RELN: variants seen among roughly 807,000 people sequenced by gnomAD.
RELN encodes reelin.
Under a neutral mutation model 427.6 loss-of-function variants are expected in RELN, and 108 were observed. That is an observed-to-expected ratio of 0.25 (90% confidence interval 0.22 to 0.30). RELN has a LOEUF of 0.30. Ranked by LOEUF, RELN falls within the 10% of genes least tolerant of loss-of-function variation. The probability of loss-of-function intolerance (pLI) is 1.00; values close to 1 mark genes in which losing one functional copy is unlikely to be tolerated. For synonymous variants in RELN, 1,524 were observed against 1,513.4 expected (o/e 1.01, Z -0.16); for missense variants, 3,715 against 4,302.8 (o/e 0.86, Z 3.82).
At chr7:103,512,367 GTT>G (rs958876023) in intron 50 of RELN, among the ~76,000 whole-genome samples, 8 of 152,044 alleles carry the variant, frequency 5.3e-5, no homozygotes, top group Non-Finnish European at 7.4e-5. Flanking sequence ...AGATAATACT[GTT>G]ATAAATTTAC....
chr7:103,838,567 A>T (rs1051358982), intron 2 of RELN, among the ~76,000 whole-genome samples: 8 of 152,166 alleles, frequency 5.3e-5, no homozygotes, highest in Non-Finnish European at 8.8e-5. Context: ...AAGGAGACTC[A>T]ATAGCGTGAC....
At chr7:103,940,742 C>T (rs766072353) in intron 1 of RELN, among the ~76,000 whole-genome samples, 27 of 152,154 alleles carry the variant, frequency 1.8e-4, no homozygotes, top group Non-Finnish European at 3.8e-4. Context: ...AATAAAATTG[C>T]TTCCTTTGGT....
Position 103,486,340 on chromosome 7 carries a change from C to T in RELN, c.9840G>A (p.Glu3280=). 6.2e-7 allele frequency: 1 copy of T among 1,614,144 alleles called. No individual in the cohort carries two copies. Among genetic ancestry groups the T allele is most frequent in the Non-Finnish European group, 8.5e-7 (1 of 1,180,024 alleles). The change falls in exon 61 of 65, where the codon GAG becomes GAA. Residue 3280 remains glutamate, a synonymous_variant. Coordinates refer to ENST00000428762, the MANE Select transcript of RELN (RefSeq NM_005045.4). ...KDNFESARVT[E]ANWETIQGGV... is the part of the protein sequence containing the mutation. Reference sequence around the variant, plus strand: ...CACCTTGAATGGTCTCCCAGTTTGCCTCGGTGACTCTTGCGGACTCAAAAT... The same window carrying T: ...CACCTTGAATGGTCTCCCAGTTTGCTTCGGTGACTCTTGCGGACTCAAAAT...
chr7:103,580,537 A>G (rs1189613325), intron 28 of RELN, among the ~76,000 whole-genome samples: 2 of 151,974 alleles, frequency 1.3e-5, no homozygotes, highest in Admixed American at 6.5e-5. Context: ...CATCAAACAC[A>G]CTGCAATTTC....
chr7:103,889,310 A>G (rs867194910), intron 2 of RELN, among the ~76,000 whole-genome samples: 14 of 152,330 alleles, frequency 9.2e-5, no homozygotes, highest in African/African-American at 3.1e-4. Context: ...GGGAATGTTC[A>G]TGGCAAGAAG....
In RELN at chr7:103,771,476, G is replaced by A. The variant is rs557448784; in HGVS notation, c.544+5081C>T. Among the ~76,000 whole-genome samples, 9 of 152,242 alleles carry A rather than the reference G, an allele frequency of 5.9e-5. No homozygotes were observed. In the East Asian group the frequency reaches 1.8e-3, roughly 30 times the overall value. On this transcript the variant is annotated intron_variant, in intron 4 of 64. Coordinates refer to ENST00000428762, the MANE Select transcript of RELN (RefSeq NM_005045.4). ...ATTGCCTCCGCAGCATCAATAGGCTGATGGTTCTCAAATGTCCTTGGCTGT... is the reference window on the plus strand; with the variant it reads ...ATTGCCTCCGCAGCATCAATAGGCTAATGGTTCTCAAATGTCCTTGGCTGT...
chr7:103,604,387 G>T lies in RELN; in HGVS notation c.3105C>A (p.Asn1035Lys). ...CGCATGAGCCATGCCCACTGCACAT[G>T]TTGGGGCACTGCTGCCCAATGTAAA... ...DSIYIGQQCPNMCSGHGSCDH... is the reference protein window; with the variant it reads ...DSIYIGQQCPKMCSGHGSCDH... Residue 1035 changes from asparagine (N) to lysine (K), a missense_variant, in exon 23 of 65, where the codon AAC becomes AAA. This residue lies in a region of RELN where 2,208 missense variants were observed against 2,361.7 expected (regional missense o/e 0.93). Transcript: ENST00000428762. 6.2e-7 allele frequency: 1 copy of T among 1,613,954 alleles called. No individual in the cohort carries two copies. Among genetic ancestry groups the T allele is most frequent in the Non-Finnish European group, 8.5e-7 (1 of 1,179,878 alleles).
intron 1 of RELN, among the ~76,000 whole-genome samples, chr7:103,972,889 T>G (rs941950691): frequency 7.6e-6 from 1 of 131,154 alleles, no homozygotes. Context: ...TGTGGGCATA[T>G]GATTATGTGT....
At chr7:103,865,056 C>A (rs1206517959) in intron 2 of RELN, among the ~76,000 whole-genome samples, 3 of 147,540 alleles carry the variant, frequency 2.0e-5, no homozygotes, top group African/African-American at 7.5e-5. Flanking sequence ...GTTTGTTGAA[C>A]CTGGAAGGCA....
chr7:103,490,180 G>A (rs1440213760), intron 59 of RELN, among the ~76,000 whole-genome samples: 2 of 152,218 alleles, frequency 1.3e-5, no homozygotes, highest in Non-Finnish European at 2.9e-5. Context: ...CTACACAGGT[G>A]TATCGTTTTC....
Position 103,630,182 on chromosome 7 carries a change from G to T in RELN, c.2466-6C>A. The stretch of plus-strand genomic sequence containing the variant: ...GTAGTTCTACGGAGATTATTCTAGA[G>T]AAAAAAAAAAAGTCAAAATTTAGAT... On this transcript the variant is annotated splice_polypyrimidine_tract_variant and splice_region_variant and intron_variant, in intron 19 of 64. Transcript: ENST00000428762. The T allele has an allele frequency of 7.9e-7, 1 of 1,262,680 alleles. No homozygotes were observed. 78.2% of individuals were successfully genotyped at this position (1,262,680 alleles called of 1,614,324 possible). A position where few individuals can be genotyped will look rare whatever the true frequency, so the allele number is the denominator to read the frequency against.
chr7:103,545,744 C>T (rs911328213), intron 41 of RELN, among the ~76,000 whole-genome samples: 3 of 152,152 alleles, frequency 2.0e-5, no homozygotes, highest in Non-Finnish European at 4.4e-5. Flanking sequence ...CGGGTTCAAG[C>T]GATTCTCCTG....
chr7:103,493,144 GA>G (rs2117010313), intron 57 of RELN, among the ~76,000 whole-genome samples: 1 of 152,288 alleles, frequency 6.6e-6, no homozygotes, highest in Non-Finnish European at 1.5e-5. Flanking sequence ...AGACAGATAG[GA>G]GTGGAGAGAG....
chr7:103,850,653 A>G lies in RELN; in HGVS notation c.338-16981T>C, dbSNP rs377103052. 4.8e-4 allele frequency among the ~76,000 whole-genome samples: 73 copies of G among 152,328 alleles called. No homozygotes were observed. The South Asian group carries it at 0.015, about 31-fold the overall frequency. On this transcript the variant is annotated intron_variant, in intron 2 of 64. Coordinates refer to ENST00000428762, the MANE Select transcript of RELN (RefSeq NM_005045.4). Reference sequence around the variant, plus strand: ...GCATGCAGACTTCACAGACGGGGGAAGAACTAAAACCTCTTTCTTTCGCAG... The same window carrying G: ...GCATGCAGACTTCACAGACGGGGGAGGAACTAAAACCTCTTTCTTTCGCAG...
At chr7:103,637,743 T>C (rs931289632) in intron 17 of RELN, among the ~76,000 whole-genome samples, 10 of 152,210 alleles carry the variant, frequency 6.6e-5, no homozygotes, top group African/African-American at 2.2e-4. Flanking sequence ...AATAGCCAAG[T>C]TGTTTCCAAA....
intron 3 of RELN, among the ~76,000 whole-genome samples, chr7:103,803,356 C>T (rs1418679087): frequency 6.6e-6 from 1 of 152,050 alleles, no homozygotes; most frequent in Non-Finnish European, 1.5e-5. Flanking sequence ...AATTCATTGA[C>T]TTTGCTTAAT....
intron 11 of RELN, 130 bp from the exon 12 acceptor site, chr7:103,661,657 C>A: frequency 1.2e-6 from 1 of 868,082 alleles, no homozygotes; most frequent in Non-Finnish European, 1.8e-6. Context: ...AAAGATATGG[C>A]ACTTTATTTA....
intron 19 of RELN, among the ~76,000 whole-genome samples, chr7:103,634,617 C>T (rs1832538223): frequency 6.6e-6 from 1 of 151,830 alleles, no homozygotes. Context: ...TTAAATAAAC[C>T]CTAACACCCC....
intron 6 of RELN, among the ~76,000 whole-genome samples, chr7:103,735,270 G>C (rs1790462971): frequency 6.6e-6 from 1 of 151,982 alleles, no homozygotes; most frequent in South Asian, 2.1e-4. Context: ...TTATTATTCA[G>C]GTGGCTGTTT....
Sources: allele counts gnomAD v4.1 joint callset (sites outside exome capture counted in the v4.1 genomes callset), GRCh38; gene constraint gnomAD v4.1.1; regional missense constraint gnomAD v4.1.1; transcripts MANE v1.5; gene names NCBI Gene and HGNC (gene_info 2026-07-23, HGNC 2026-07-21).